Variants in ANAPC10 observed in about 807,000 individuals in gnomAD.
ANAPC10 encodes the protein anaphase-promoting complex subunit 10.
Under a neutral mutation model 22.0 loss-of-function variants are expected in ANAPC10, and 12 were observed. The ratio of observed to expected loss-of-function variants is 0.55; its 90% CI spans 0.35 to 0.88. ANAPC10 has a LOEUF of 0.88. Among genes scored for constraint, ANAPC10 ranks in the 40% least tolerant of loss-of-function variants. ANAPC10 has a pLI of 0.01. For synonymous variants in ANAPC10, 65 were observed against 69.5 expected, an observed-to-expected ratio of 0.94 and a Z score of 0.32; for missense variants, 188 against 220.9, an observed-to-expected ratio of 0.85 and a Z score of 0.94.
In ANAPC10 at chr4:145,018,110, A is replaced by G. The variant is rs565562672; in HGVS notation, c.328-22507T>C. On this transcript the variant is annotated intron_variant, in intron 4 of 4. Coordinates refer to ENST00000507656, the MANE Select transcript of ANAPC10 (RefSeq NM_001256706.2). ...TGTGCACATGTACCCTAGAACTTAGAGTATAATAAAAAAAATATATATATA... is the reference window on the plus strand; with the variant it reads ...TGTGCACATGTACCCTAGAACTTAGGGTATAATAAAAAAAATATATATATA... Among the ~76,000 whole-genome samples, 152 of 141,308 alleles carry G rather than the reference A, an allele frequency of 1.1e-3. 1 individual carries two copies. The highest frequency in any genetic ancestry group is 2.1e-3 in the Non-Finnish European group (134 of 63,050). The allele number at this position is 141,308 out of a possible 152,430, so 92.7% of individuals were successfully genotyped here.
chr4:145,004,228 G>A (rs1285811743), intron 4 of ANAPC10, among the ~76,000 whole-genome samples: 1 of 152,082 alleles, frequency 6.6e-6, no homozygotes, highest in Admixed American at 6.6e-5. Context: ...ATCAGATCAA[G>A]GAGCTTTGGG....
At chr4:145,084,347 A>G (rs1302017899) in intron 2 of ANAPC10, among the ~76,000 whole-genome samples, 1 of 152,236 alleles carries the variant, frequency 6.6e-6, no homozygotes, top group African/African-American at 2.4e-5. Context: ...GCAAAGAGAT[A>G]AGCATATAAT....
At chr4:145,052,335 T>C (rs1741239954) in intron 4 of ANAPC10, among the ~76,000 whole-genome samples, 3 of 152,266 alleles carry the variant, frequency 2.0e-5, no homozygotes, top group African/African-American at 7.2e-5. Flanking sequence ...CTACAATGTA[T>C]AAAAATATCA....
chr4:145,023,255 T>G (rs1301139322), intron 4 of ANAPC10, among the ~76,000 whole-genome samples: 2 of 151,978 alleles, frequency 1.3e-5, no homozygotes, highest in African/African-American at 4.8e-5. Context: ...CAAACAAAAC[T>G]TTAGTGAAAG....
At chr4:145,084,353 A>G (rs759469337) in intron 2 of ANAPC10, among the ~76,000 whole-genome samples, 1 of 152,214 alleles carries the variant, frequency 6.6e-6, no homozygotes, top group Non-Finnish European at 1.5e-5. Flanking sequence ...AGATAAGCAT[A>G]TAATGTCATG....
chr4:145,036,642 C>T (rs1339138881), intron 4 of ANAPC10, among the ~76,000 whole-genome samples: 1 of 152,002 alleles, frequency 6.6e-6, no homozygotes, highest in Admixed American at 6.6e-5. Flanking sequence ...GCCATCATAC[C>T]CAGCTCTTTC....
intron 2 of ANAPC10, among the ~76,000 whole-genome samples, chr4:145,094,482 T>G (rs951453186): frequency 6.6e-6 from 1 of 152,152 alleles, no homozygotes; most frequent in Non-Finnish European, 1.5e-5. Flanking sequence ...AGTATGTAAA[T>G]TATACCTCAA....
intron 4 of ANAPC10, among the ~76,000 whole-genome samples, chr4:145,009,320 T>C (rs1733929887): frequency 6.6e-6 from 1 of 152,108 alleles, no homozygotes; most frequent in South Asian, 2.1e-4. Flanking sequence ...TTCACAGAAC[T>C]GGAAAAAACT....
intron 4 of ANAPC10, among the ~76,000 whole-genome samples, chr4:145,051,705 G>C (rs915834346): frequency 6.6e-6 from 1 of 151,964 alleles, no homozygotes; most frequent in Non-Finnish European, 1.5e-5. Flanking sequence ...TAAGCCAACA[G>C]CCACATAGTT....
intron 4 of ANAPC10, among the ~76,000 whole-genome samples, chr4:145,051,074 T>C (rs1741032282): frequency 6.6e-6 from 1 of 152,210 alleles, no homozygotes. Flanking sequence ...TCTTTCTGGC[T>C]GTTGAGTTAA....
chr4:145,032,321 G>A (rs144217563), intron 4 of ANAPC10, among the ~76,000 whole-genome samples: 357 of 152,308 alleles, frequency 2.3e-3, no homozygotes, highest in African/African-American at 7.8e-3. Flanking sequence ...AGAAATGGCC[G>A]GATGTACAAT....
chr4:145,050,980 T>C (rs1169783588), intron 4 of ANAPC10, among the ~76,000 whole-genome samples: 2 of 152,236 alleles, frequency 1.3e-5, no homozygotes, highest in Non-Finnish European at 2.9e-5. Flanking sequence ...TTTTCCCTTA[T>C]ATTCACAACT....
intron 4 of ANAPC10, among the ~76,000 whole-genome samples, chr4:145,016,165 A>G (rs1399371121): frequency 2.0e-5 from 3 of 152,186 alleles, no homozygotes; most frequent in Non-Finnish European, 2.9e-5. Context: ...AATTAGGAAA[A>G]GAAGAAGTCA....
At chr4:145,001,926 A>C (rs1560804820) in intron 4 of ANAPC10, among the ~76,000 whole-genome samples, 1 of 152,218 alleles carries the variant, frequency 6.6e-6, no homozygotes, top group South Asian at 2.1e-4. Context: ...CATTAAAAAA[A>C]GGAAGTAATT....
At chr4:145,034,571 G>A (rs1390615288) in intron 4 of ANAPC10, among the ~76,000 whole-genome samples, 1 of 143,478 alleles carries the variant, frequency 7.0e-6, no homozygotes, top group African/African-American at 2.7e-5. Context: ...GTGTGTGTGT[G>A]TGTGTATATA....
intron 4 of ANAPC10, among the ~76,000 whole-genome samples, chr4:145,005,513 G>A (rs551750033): frequency 5.9e-5 from 9 of 152,108 alleles, no homozygotes; most frequent in Admixed American, 4.6e-4. Flanking sequence ...CTTGGGGTTG[G>A]TTTGCTCTCG....
At chr4:145,057,388 T>C (rs1447355981) in intron 4 of ANAPC10, among the ~76,000 whole-genome samples, 2 of 152,150 alleles carry the variant, frequency 1.3e-5, no homozygotes, top group Non-Finnish European at 2.9e-5. Flanking sequence ...TTTATATGAC[T>C]TCATATGAGA....
At chr4:145,070,030 T>C (rs113984412) in intron 3 of ANAPC10, among the ~76,000 whole-genome samples, 6 of 152,192 alleles carry the variant, frequency 3.9e-5, no homozygotes, top group Admixed American at 1.3e-4. Context: ...GTCCCTAATC[T>C]ATAATTTCTA....
At chr4:145,097,654 G>A in intron 1 of ANAPC10, 1 of 644,230 alleles carries the variant, frequency 1.6e-6, no homozygotes, top group South Asian at 1.5e-5. Flanking sequence ...ATAAACAGAT[G>A]AATAGGTTCA....
Sources: allele counts gnomAD v4.1 joint callset (sites outside exome capture counted in the v4.1 genomes callset), GRCh38; gene constraint gnomAD v4.1.1; transcripts MANE v1.5; gene names NCBI Gene and HGNC (gene_info 2026-07-23, HGNC 2026-07-21).